Variants in FSTL4 observed in about 807,000 individuals in gnomAD.
The protein encoded by FSTL4 is follistatin-related protein 4.
In FSTL4, 28 loss-of-function variants were observed where a neutral mutation model predicts 78.2. That is an observed-to-expected ratio of 0.36 (90% CI 0.27 to 0.49). The LOEUF (loss-of-function observed/expected upper bound fraction) is 0.49, where lower values mean the gene tolerates loss of function less well. Among genes scored for constraint, FSTL4 ranks in the 20% least tolerant of loss-of-function variants. FSTL4 has a pLI of 0.98. For missense variants in FSTL4, 922 were observed against 1,084.9 expected (o/e 0.85, Z 2.11); for synonymous variants, 422 against 440.5 (o/e 0.96, Z 0.53).
intron 4 of FSTL4, among the ~76,000 whole-genome samples, chr5:133,331,138 C>G (rs948768504): frequency 6.6e-6 from 1 of 152,170 alleles, no homozygotes; most frequent in Admixed American, 6.5e-5. Flanking sequence ...GGAAAGCAGC[C>G]CCGCATAGGT....
the FSTL4 span, among the ~76,000 whole-genome samples, chr5:133,632,098 TAACA>T: frequency 2.0e-3 from 302 of 152,266 alleles, no homozygotes; most frequent in East Asian, 4.6e-3. Flanking sequence ...TATACCTATG[TAACA>T]AACCTGTACG....
intron 7 of FSTL4, chr5:133,244,950 C>T (rs1408777721): frequency 2.0e-5 from 3 of 152,012 alleles, no homozygotes; most frequent in African/African-American, 7.3e-5. Flanking sequence ...CAACACCCCT[C>T]TCTACAAAAA....
intron 6 of FSTL4, among the ~76,000 whole-genome samples, chr5:133,295,364 A>C (rs992636133): frequency 3.9e-5 from 6 of 152,090 alleles, no homozygotes; most frequent in African/African-American, 1.2e-4. Flanking sequence ...CAAAGAAGTC[A>C]TCTGGTTGTA....
chr5:133,250,745 A>G (rs2126824036), intron 6 of FSTL4, among the ~76,000 whole-genome samples: 1 of 152,390 alleles, frequency 6.6e-6, no homozygotes, highest in South Asian at 2.1e-4. Flanking sequence ...AAGGCACAGC[A>G]GAGCAGCTGA....
At chr5:133,768,058 C>T in the FSTL4 span, among the ~76,000 whole-genome samples, 1 of 152,054 alleles carries the variant, frequency 6.6e-6, no homozygotes, top group African/African-American at 2.4e-5. Context: ...GAGGAATGAG[C>T]CAATGAAGCA....
At chr5:133,744,988 C>T in the FSTL4 span, among the ~76,000 whole-genome samples, 3 of 152,350 alleles carry the variant, frequency 2.0e-5, no homozygotes, top group African/African-American at 4.8e-5. Context: ...CAAGGAACTG[C>T]TATCAGCCAT....
chr5:133,339,549 T>G lies in FSTL4; in HGVS notation c.410-22897A>C, dbSNP rs573859775. ...CCCTCCCACCATCGACATGAGCCAA[T>G]GGGGGTCCTGGCATACAACTAGCAC... is the stretch of plus-strand genomic sequence containing the variant. On this transcript the variant is annotated intron_variant, in intron 4 of 15. Transcript: ENST00000265342. Among the ~76,000 whole-genome samples, 10 of 152,180 alleles carry G rather than the reference T, an allele frequency of 6.6e-5. No homozygotes were observed. The East Asian group carries it at 1.9e-3, about 30-fold the overall frequency.
At chr5:133,243,236 G>GAA (rs145643247) in intron 7 of FSTL4, among the ~76,000 whole-genome samples, 5 of 149,226 alleles carry the variant, frequency 3.4e-5, no homozygotes, top group African/African-American at 1.2e-4. Context: ...GAGATTCAGT[G>GAA]AAAAAAAAAC....
At chr5:133,474,252 C>T (rs1164728740) in intron 3 of FSTL4, among the ~76,000 whole-genome samples, 1 of 152,070 alleles carries the variant, frequency 6.6e-6, no homozygotes, top group East Asian at 1.9e-4. Context: ...AGTTTTTGAC[C>T]CCTGCATCAC....
chr5:133,582,101 G>C (rs1760426229), intron 2 of FSTL4, among the ~76,000 whole-genome samples: 1 of 152,236 alleles, frequency 6.6e-6, no homozygotes, highest in African/African-American at 2.4e-5. Flanking sequence ...GGAGCCAGAG[G>C]ATGGCTTGGG....
rs995138630 is a variant in FSTL4, at chr5:133,556,852, T to A, written c.160+10334A>T. On this transcript the variant is annotated intron_variant, in intron 3 of 15. Coordinates refer to ENST00000265342, the MANE Select transcript of FSTL4 (RefSeq NM_015082.2). ...GGAAAATAAAAGCTTCTGACAAACA[T>A]CATCAAGGAAAGGACTGAAGCCACT... 2.0e-5 allele frequency among the ~76,000 whole-genome samples: 3 copies of A among 152,134 alleles called. No homozygotes were observed. In the South Asian group the frequency reaches 6.2e-4, roughly 32 times the overall value.
rs561624020 is a variant in FSTL4 at position 133,476,830 on chromosome 5, G to A, written c.161-75844C>T. 6.6e-5 allele frequency among the ~76,000 whole-genome samples: 10 copies of A among 152,280 alleles called. No homozygotes were observed. The East Asian group carries it at 7.7e-4, about 12-fold the overall frequency. On this transcript the variant is annotated intron_variant, in intron 3 of 15. Transcript: ENST00000265342. ...CCCGAGTCAGTGAGACACTCATTGA[G>A]CCATCTTTATATATACATATATGGT...
chr5:133,597,296 C>T (rs1319505661), intron 2 of FSTL4, among the ~76,000 whole-genome samples: 2 of 152,166 alleles, frequency 1.3e-5, no homozygotes, highest in Middle Eastern at 3.2e-3. Context: ...CATTTACTTC[C>T]ATCCAAATGG....
intron 4 of FSTL4, among the ~76,000 whole-genome samples, chr5:133,382,897 T>G (rs1755607994): frequency 1.4e-5 from 2 of 147,200 alleles, no homozygotes; most frequent in East Asian, 2.0e-4. Flanking sequence ...TGAGGAGGAG[T>G]ACAGGGAAAG....
chr5:133,771,486 G>A, the FSTL4 span, among the ~76,000 whole-genome samples: 1 of 152,010 alleles, frequency 6.6e-6, no homozygotes, highest in Non-Finnish European at 1.5e-5. Context: ...TGTTGCTGTT[G>A]TAGCTATTGT....
chr5:133,648,092 A>G, the FSTL4 span, among the ~76,000 whole-genome samples: 2 of 152,208 alleles, frequency 1.3e-5, no homozygotes, highest in Non-Finnish European at 2.9e-5. Context: ...CTCCCCAACC[A>G]TGTAGAACTG....
At chr5:133,600,688 C>T (rs562129630) in intron 2 of FSTL4, among the ~76,000 whole-genome samples, 86 of 152,230 alleles carry the variant, frequency 5.6e-4, no homozygotes, top group African/African-American at 1.9e-3. Flanking sequence ...CACACACACG[C>T]GTTGGTCATT....
At chr5:133,812,905 T>A in the FSTL4 span, among the ~76,000 whole-genome samples, 1 of 152,222 alleles carries the variant, frequency 6.6e-6, no homozygotes. Context: ...CTCGGCTGCT[T>A]CCTTCATGGT....
At chr5:133,432,487 G>T (rs897294451) in intron 3 of FSTL4, among the ~76,000 whole-genome samples, 2 of 152,198 alleles carry the variant, frequency 1.3e-5, no homozygotes, top group Admixed American at 1.3e-4. Context: ...CCTACCTTGT[G>T]GGGGTGGTGT....
Sources: allele counts gnomAD v4.1 joint callset (sites outside exome capture counted in the v4.1 genomes callset), GRCh38; gene constraint gnomAD v4.1.1; transcripts MANE v1.5; gene names NCBI Gene and HGNC (gene_info 2026-07-23, HGNC 2026-07-21).